ABRAXAS2: variants seen among roughly 807,000 people sequenced by gnomAD.
The protein encoded by ABRAXAS2 is BRISC complex subunit Abraxas 2.
A neutral mutation model predicts 49.0 loss-of-function variants in ABRAXAS2; 23 were observed. The ratio of observed to expected loss-of-function variants is 0.47; its 90% CI spans 0.34 to 0.66. The LOEUF (loss-of-function observed/expected upper bound fraction) is 0.66. Among genes scored for constraint, ABRAXAS2 ranks in the 30% least tolerant of loss-of-function variants. ABRAXAS2 has a pLI of 0.01. For missense variants in ABRAXAS2, 443 were observed against 511.9 expected (o/e 0.87, Z 1.30); for synonymous variants, 168 against 180.2 (o/e 0.93, Z 0.54).
At chr10:124,815,986 T>G (rs1330356556) in intron 2 of ABRAXAS2, among the ~76,000 whole-genome samples, 5 of 145,816 alleles carry the variant, frequency 3.4e-5, no homozygotes, top group Non-Finnish European at 7.5e-5. Flanking sequence ...CACTGCAGCC[T>G]CAGCCTCCCG....
intron 3 of ABRAXAS2, 133 bp downstream of exon 3, chr10:124,816,745 T>A: frequency 1.5e-6 from 1 of 665,536 alleles, no homozygotes; most frequent in Non-Finnish European, 2.7e-6. Flanking sequence ...ATTGAGTGCT[T>A]TGTACACGGC....
intron 2 of ABRAXAS2, among the ~76,000 whole-genome samples, chr10:124,809,902 G>C (rs1472032564): frequency 1.3e-5 from 2 of 151,156 alleles, no homozygotes; most frequent in African/African-American, 2.4e-5. Context: ...ACAGGCATGC[G>C]CCACCATGCC....
At chr10:124,830,397 A>G (rs539936704) in intron 7 of ABRAXAS2, among the ~76,000 whole-genome samples, 2 of 152,278 alleles carry the variant, frequency 1.3e-5, no homozygotes, top group East Asian at 3.9e-4. Flanking sequence ...AGTGAGCTAC[A>G]ATTGTGCCAC....
At chr10:124,829,124 T>G (rs1225310301) in intron 6 of ABRAXAS2, among the ~76,000 whole-genome samples, 1 of 152,232 alleles carries the variant, frequency 6.6e-6, no homozygotes, top group African/African-American at 2.4e-5. Context: ...TACAAAAGTT[T>G]TGGATAGAGT....
intron 8 of ABRAXAS2, among the ~76,000 whole-genome samples, chr10:124,833,306 C>CA (rs35761950): frequency 0.73 from 105,547 of 143,978 alleles, 38,411 homozygotes; most frequent in Admixed American, 0.81. Context: ...ATCTCTACTT[C>CA]AAAAAAAAAA....
chr10:124,815,277 C>T (rs2134163120), intron 2 of ABRAXAS2, among the ~76,000 whole-genome samples: 1 of 151,986 alleles, frequency 6.6e-6, no homozygotes, highest in East Asian at 1.9e-4. Flanking sequence ...TCACTGCAAG[C>T]TCCACCTCCC....
At chr10:124,806,483 A>G (rs1220464783) in intron 1 of ABRAXAS2, among the ~76,000 whole-genome samples, 2 of 152,194 alleles carry the variant, frequency 1.3e-5, no homozygotes, top group Non-Finnish European at 2.9e-5. Context: ...AATAAATTGT[A>G]TGTGATTTCA....
chr10:124,802,312 C>G (rs1950710905), intron 1 of ABRAXAS2, among the ~76,000 whole-genome samples: 1 of 152,208 alleles, frequency 6.6e-6, no homozygotes, highest in African/African-American at 2.4e-5. Flanking sequence ...GCGAGGTACT[C>G]AGCCCCGCCC....
chr10:124,802,372 T>C (rs1230792847), intron 1 of ABRAXAS2, among the ~76,000 whole-genome samples: 1 of 152,248 alleles, frequency 6.6e-6, no homozygotes, highest in African/African-American at 2.4e-5. Context: ...ACCGTGGCTG[T>C]CACTACTGAT....
intron 4 of ABRAXAS2, among the ~76,000 whole-genome samples, chr10:124,824,352 A>G (rs935788619): frequency 6.6e-6 from 1 of 152,166 alleles, no homozygotes; most frequent in Non-Finnish European, 1.5e-5. Context: ...CCTGGCCAAC[A>G]TGGTAAAATC....
chr10:124,814,702 T>G (rs1045168639), intron 2 of ABRAXAS2, among the ~76,000 whole-genome samples: 4 of 151,636 alleles, frequency 2.6e-5, no homozygotes, highest in Non-Finnish European at 5.9e-5. Context: ...CAGGCTGGGG[T>G]GTAGCGACAT....
chr10:124,831,441 A>G lies in ABRAXAS2; in HGVS notation c.756A>G (p.Lys252=). ...NKLRRQITQR[K]NEKEQERRLQ... ...TAAGAAGACAAATCACTCAGAGGAA[A>G]AATGAAAAGGAACAAGAAAGAAGTA... Residue 252 remains lysine (K), a synonymous_variant, in exon 8 of 9, where the codon AAA becomes AAG. Transcript: ENST00000298492. 1 of 1,595,980 alleles carries G rather than the reference A, an allele frequency of 6.3e-7. No homozygotes were observed.
chr10:124,824,484 C>T (rs539344077), intron 4 of ABRAXAS2, among the ~76,000 whole-genome samples: 80 of 149,998 alleles, frequency 5.3e-4, no homozygotes, highest in African/African-American at 1.7e-3. Context: ...GCCAAGATCG[C>T]GCCACTGCTC....
chr10:124,802,915 A>G (rs999954774), intron 1 of ABRAXAS2, among the ~76,000 whole-genome samples: 5 of 152,214 alleles, frequency 3.3e-5, no homozygotes, highest in African/African-American at 1.2e-4. Flanking sequence ...CCATTAGTAA[A>G]TTGAATGCAA....
intron 4 of ABRAXAS2, among the ~76,000 whole-genome samples, chr10:124,820,153 CA>C (rs1950852991): frequency 6.6e-6 from 1 of 152,188 alleles, no homozygotes; most frequent in Admixed American, 6.5e-5. Flanking sequence ...ATTAAAACAA[CA>C]GCCATTCTAA....
chr10:124,835,065 T>C lies in ABRAXAS2; in HGVS notation c.*94T>C, dbSNP rs1338709001. The C allele has an allele frequency of 1.1e-6, 1 of 934,488 alleles. No individual in the cohort carries two copies. Among genetic ancestry groups the C allele is most frequent in the Non-Finnish European group, 1.6e-6 (1 of 627,784 alleles). The allele number at this position is 934,488 out of a possible 1,614,324, so 57.9% of individuals were successfully genotyped here. A position where few individuals can be genotyped will look rare whatever the true frequency, so the allele number is the denominator to read the frequency against. On this transcript the variant is annotated 3_prime_UTR_variant, in exon 9 of 9. Coordinates refer to ENST00000298492, the MANE Select transcript of ABRAXAS2 (RefSeq NM_032182.4). Reference sequence around the variant, plus strand: ...TTAATCTGGGGGGAGAACTGCTTTCTCAGATACCTTAACTCCCGAGAAGAG... The same window carrying C: ...TTAATCTGGGGGGAGAACTGCTTTCCCAGATACCTTAACTCCCGAGAAGAG...
intron 3 of ABRAXAS2, among the ~76,000 whole-genome samples, chr10:124,818,884 A>G (rs1453452254): frequency 4.6e-5 from 7 of 152,190 alleles, no homozygotes; most frequent in Non-Finnish European, 1.0e-4. Context: ...GTGTTTATCT[A>G]TGAAACTGGG....
chr10:124,806,849 G>C lies in ABRAXAS2; in HGVS notation c.91G>C (p.Glu31Gln), dbSNP rs959877345. ...CTTTTAGGAAGGATTTTTACTGGGA[G>C]AGGTAAGACAAGAGGAAACGTTTAG... ...NADHEGFLLG[E>Q]VRQEETFSIS... Residue 31 changes from glutamate (E) to glutamine (Q), a missense_variant, in exon 2 of 9, where the codon GAG (glutamate) becomes CAG (glutamine). This residue lies in a region of ABRAXAS2 where 166 missense variants were observed against 247.3 expected (regional missense o/e 0.67). Coordinates refer to ENST00000298492, the MANE Select transcript of ABRAXAS2 (RefSeq NM_032182.4). 1.2e-6 allele frequency: 2 copies of C among 1,603,314 alleles called. No homozygotes were observed. Among genetic ancestry groups the C allele is most frequent in the Non-Finnish European group, 8.5e-7 (1 of 1,174,476 alleles).
rs748221119 is a variant in ABRAXAS2 at position 124,808,019 on chromosome 10, A to C, written c.163+1098A>C. 2.3e-4 allele frequency among the ~76,000 whole-genome samples: 35 copies of C among 152,212 alleles called. 1 individual carries two copies. The highest frequency in any genetic ancestry group is 1.7e-3 in the Admixed American group (26 of 15,272). Reference sequence around the variant, plus strand: ...AGGAGATATCTGGGGAAGATGAAGGAGTCTTTATAGCTATAGACACGCCCA... The same window carrying C: ...AGGAGATATCTGGGGAAGATGAAGGCGTCTTTATAGCTATAGACACGCCCA... On this transcript the variant is annotated intron_variant, in intron 2 of 8. Coordinates refer to ENST00000298492, the MANE Select transcript of ABRAXAS2 (RefSeq NM_032182.4).
Sources: allele counts gnomAD v4.1 joint callset (sites outside exome capture counted in the v4.1 genomes callset), GRCh38; gene constraint gnomAD v4.1.1; regional missense constraint gnomAD v4.1.1; transcripts MANE v1.5; gene names NCBI Gene and HGNC (gene_info 2026-07-23, HGNC 2026-07-21).